DOK6: variants seen among roughly 807,000 people sequenced by gnomAD.
The protein encoded by DOK6 is docking protein 6, also known as downstream of tyrosine kinase 6.
DOK6 carries 22 observed loss-of-function variants against 44.0 expected under a neutral mutation model. That is an observed-to-expected ratio of 0.50 (90% confidence interval 0.36 to 0.71). The LOEUF is 0.71. Ranked by LOEUF, DOK6 falls within the 30% of genes least tolerant of loss-of-function variation. DOK6 has a pLI of 0.00. For missense variants in DOK6, 340 were observed against 416.4 expected (o/e 0.82, Z 1.60); for synonymous variants, 166 against 145.5 (o/e 1.14, Z -1.01).
intron 1 of DOK6, among the ~76,000 whole-genome samples, chr18:69,510,795 G>A (rs1981345865): frequency 6.6e-6 from 1 of 152,064 alleles, no homozygotes; most frequent in Non-Finnish European, 1.5e-5. Flanking sequence ...AATAACTTTA[G>A]TAATTTAAAA....
chr18:69,493,178 G>T (rs1218864897), intron 1 of DOK6, among the ~76,000 whole-genome samples: 1 of 152,012 alleles, frequency 6.6e-6, no homozygotes, highest in Admixed American at 6.6e-5. Context: ...ATTCATCTTT[G>T]AGTAGCACTT....
intron 4 of DOK6, among the ~76,000 whole-genome samples, chr18:69,689,768 T>A (rs1395460795): frequency 2.0e-5 from 3 of 152,184 alleles, no homozygotes; most frequent in Non-Finnish European, 2.9e-5. Flanking sequence ...CAAATTGAGC[T>A]AAAAATTGGT....
chr18:69,468,146 C>T (rs1979981483), intron 1 of DOK6, among the ~76,000 whole-genome samples: 1 of 152,050 alleles, frequency 6.6e-6, no homozygotes. Flanking sequence ...ACCTAGCTGA[C>T]ATTATATATG....
chr18:69,555,247 T>C (rs1290617947), intron 1 of DOK6, among the ~76,000 whole-genome samples: 3 of 152,210 alleles, frequency 2.0e-5, no homozygotes, highest in Non-Finnish European at 2.9e-5. Context: ...ACCTTTTACA[T>C]GAATATTAAG....
At chr18:69,484,098 T>C (rs1980506797) in intron 1 of DOK6, among the ~76,000 whole-genome samples, 1 of 152,010 alleles carries the variant, frequency 6.6e-6, no homozygotes, top group South Asian at 2.1e-4. Flanking sequence ...CCCTAATATA[T>C]ATTGAATTAT....
chr18:69,488,701 A>G (rs1980653220), intron 1 of DOK6, among the ~76,000 whole-genome samples: 1 of 152,142 alleles, frequency 6.6e-6, no homozygotes, highest in Non-Finnish European at 1.5e-5. Flanking sequence ...TATCAGAAGA[A>G]CAGCAAGGGA....
intron 1 of DOK6, among the ~76,000 whole-genome samples, chr18:69,518,491 C>A (rs906180538): frequency 9.9e-5 from 15 of 152,008 alleles, no homozygotes; most frequent in African/African-American, 1.4e-4. Context: ...TATTGCATTG[C>A]AATTTAAATA....
intron 1 of DOK6, among the ~76,000 whole-genome samples, chr18:69,411,905 C>T (rs944783720): frequency 6.6e-6 from 1 of 152,120 alleles, no homozygotes; most frequent in African/African-American, 2.4e-5. Context: ...CTCAGATCTT[C>T]AAGATAAATA....
intron 7 of DOK6, among the ~76,000 whole-genome samples, chr18:69,797,177 C>T (rs570747398): frequency 2.0e-5 from 3 of 152,158 alleles, no homozygotes; most frequent in Admixed American, 6.5e-5. Flanking sequence ...TCTCACCAAC[C>T]GAAAGGAAGA....
At chr18:69,603,423 C>T (rs17196823) in intron 3 of DOK6, among the ~76,000 whole-genome samples, 4,342 of 152,262 alleles carry the variant, frequency 0.029, 89 homozygotes, top group Middle Eastern at 0.071. Context: ...AGAATCTGCT[C>T]ATCACAGTTA....
intron 2 of DOK6, among the ~76,000 whole-genome samples, chr18:69,595,582 A>G (rs1265569512): frequency 1.3e-5 from 2 of 152,058 alleles, no homozygotes; most frequent in Non-Finnish European, 2.9e-5. Context: ...TCGTTCTTCC[A>G]CCCAAGCTTT....
intron 7 of DOK6, among the ~76,000 whole-genome samples, chr18:69,824,229 T>C (rs1981671724): frequency 7.9e-6 from 1 of 126,428 alleles, no homozygotes; most frequent in African/African-American, 2.9e-5. Context: ...CGGTGTGTGA[T>C]GTTCCCCTTC....
rs114342795 is a variant in DOK6 at position 69,827,478 on chromosome 18, G to T, written c.857-13766G>T. Among the ~76,000 whole-genome samples, 1,439 of 152,094 alleles carry T rather than the reference G, an allele frequency of 9.5e-3. 25 individuals are homozygous for T. Among genetic ancestry groups the T allele is most frequent in the African/African-American group, 0.032 (1,338 of 41,550 alleles). On this transcript the variant is annotated intron_variant, in intron 7 of 7. Coordinates refer to ENST00000382713, the MANE Select transcript of DOK6 (RefSeq NM_152721.6). ...ATCTAATCAGTTATCAGAAAGAAAA[G>T]CCCTAGGCAAACTTCTTCTTTGGTA...
chr18:69,711,664 A>G (rs1986760295), intron 5 of DOK6, among the ~76,000 whole-genome samples: 1 of 152,172 alleles, frequency 6.6e-6, no homozygotes, highest in African/African-American at 2.4e-5. Context: ...GGCATCACAT[A>G]TTTATTTGCT....
intron 3 of DOK6, among the ~76,000 whole-genome samples, chr18:69,639,838 AC>A (rs1984897000): frequency 6.6e-6 from 1 of 152,150 alleles, no homozygotes. Context: ...TAGTATCTCT[AC>A]CCTATTATTT....
intron 1 of DOK6, among the ~76,000 whole-genome samples, chr18:69,463,676 T>G (rs1212561522): frequency 6.6e-6 from 1 of 152,024 alleles, no homozygotes; most frequent in Non-Finnish European, 1.5e-5. Flanking sequence ...TAAATATGTG[T>G]GCATGTGTGG....
intron 2 of DOK6, 104 bp from the exon 3 acceptor site, chr18:69,599,280 C>A (rs751316614): frequency 3.7e-6 from 3 of 808,474 alleles, no homozygotes; most frequent in Non-Finnish European, 5.7e-6. Flanking sequence ...ACAAATATCC[C>A]GTGGAAATTC....
chr18:69,647,698 G>A (rs998560724), intron 3 of DOK6: 1 of 152,212 alleles, frequency 6.6e-6, no homozygotes, highest in Non-Finnish European at 1.5e-5. Flanking sequence ...GAATGTGGGA[G>A]TAGGAGAAAT....
chr18:69,462,851 G>T (rs2122476899), intron 1 of DOK6, among the ~76,000 whole-genome samples: 1 of 152,298 alleles, frequency 6.6e-6, no homozygotes, highest in Admixed American at 6.5e-5. Context: ...AAGCCATTAA[G>T]AAATGTCCTG....
Sources: gnomAD v4.1 joint callset for allele counts (sites outside exome capture counted in the v4.1 genomes callset) on GRCh38, gnomAD v4.1.1 for gene constraint, MANE v1.5 for transcripts, NCBI Gene and HGNC (gene_info 2026-07-23, HGNC 2026-07-21) for gene names.